KIF13B: variants seen among roughly 807,000 people sequenced by gnomAD.
KIF13B encodes the protein kinesin family member 13B.
In KIF13B, 127 loss-of-function variants were observed where a neutral mutation model predicts 222.0. The observed-to-expected ratio is 0.57, with a 90% CI of 0.50 to 0.66. The LOEUF (loss-of-function observed/expected upper bound fraction) is 0.66. KIF13B is among the 30% of genes least tolerant of loss of function. The pLI, the probability that KIF13B is intolerant of heterozygous loss-of-function variation, is 0.00. For missense variants in KIF13B, 2,173 were observed against 2,379.0 expected (o/e 0.91, Z 1.80); for synonymous variants, 976 against 919.0 (o/e 1.06, Z -1.12).
chr8:29,108,353 T>C (rs117307637), intron 34 of KIF13B, among the ~76,000 whole-genome samples, 161 bp from the exon 35 acceptor site: 2 of 152,208 alleles, frequency 1.3e-5, no homozygotes, highest in South Asian at 4.1e-4. Flanking sequence ...CTTTGGGACA[T>C]TACAAACATT....
intron 2 of KIF13B, among the ~76,000 whole-genome samples, chr8:29,223,547 C>A (rs1187073772): frequency 6.6e-6 from 1 of 152,064 alleles, no homozygotes; most frequent in Non-Finnish European, 1.5e-5. Flanking sequence ...TATGCTATTT[C>A]TTAGTAATTA....
chr8:29,170,953 G>T (rs1380632993), intron 10 of KIF13B, among the ~76,000 whole-genome samples: 6 of 148,984 alleles, frequency 4.0e-5, no homozygotes, highest in Admixed American at 4.0e-4. Context: ...TATCCTAAGG[G>T]CCTATAGACA....
At chr8:29,083,827 T>G (rs775505991) in intron 37 of KIF13B, among the ~76,000 whole-genome samples, 10 of 152,294 alleles carry the variant, frequency 6.6e-5, no homozygotes, top group Middle Eastern at 6.8e-3. Flanking sequence ...GGTATTAAAC[T>G]ACAGAGAAAA....
intron 37 of KIF13B, among the ~76,000 whole-genome samples, chr8:29,076,415 C>T (rs952599940): frequency 1.8e-4 from 28 of 152,250 alleles, no homozygotes; most frequent in Admixed American, 1.6e-3. Context: ...CCACGTCTCC[C>T]ACCTCCCTTC....
At chr8:29,138,964 G>A (rs1810686304) in intron 21 of KIF13B, among the ~76,000 whole-genome samples, 2 of 152,056 alleles carry the variant, frequency 1.3e-5, no homozygotes, top group African/African-American at 2.4e-5. Flanking sequence ...ATTGGTTTAA[G>A]GACTCATCTT....
chr8:29,073,140 C>T (rs75837871), intron 38 of KIF13B, among the ~76,000 whole-genome samples: 3,380 of 30,272 alleles, frequency 0.11, 315 homozygotes, highest in Non-Finnish European at 0.14. Flanking sequence ...AGGAGGGGGA[C>T]GAGGAGGGGG....
chr8:29,256,634 TTAAAGA>T, intron 1 of KIF13B, among the ~76,000 whole-genome samples: 1 of 152,236 alleles, frequency 6.6e-6, no homozygotes. Flanking sequence ...CAAGATCCTC[TTAAAGA>T]TAATCATGTC....
chr8:29,071,851 G>A lies in KIF13B; in HGVS notation c.4987C>T (p.Leu1663=). 3 of 1,538,418 alleles carry A rather than the reference G, an allele frequency of 2.0e-6. No individual in the cohort carries two copies. Among genetic ancestry groups the A allele is most frequent in the Non-Finnish European group, 2.6e-6 (3 of 1,145,944 alleles). Reference sequence around the variant, plus strand: ...GGGGAGCAGCCGGGGTCCCCAGCCAGCATGCGCGAGAAGGAGCGCAACTCC... The same window carrying A: ...GGGGAGCAGCCGGGGTCCCCAGCCAACATGCGCGAGAAGGAGCGCAACTCC... ...ASELRSFSRM[L]AGDPGCSPGA... Residue 1663 remains leucine, a synonymous_variant, in exon 39 of 40, where the codon CTG becomes TTG. Coordinates refer to ENST00000524189, the MANE Select transcript of KIF13B (RefSeq NM_015254.4). The surrounding 1 kb of genome is among the most constrained non-coding windows in gnomAD (Gnocchi z 4.9).
At chr8:29,156,695 T>TA (rs144883341) in intron 13 of KIF13B, among the ~76,000 whole-genome samples, 1,563 of 144,202 alleles carry the variant, frequency 0.011, 32 homozygotes, top group Admixed American at 0.057. Flanking sequence ...TTTTTTTTTT[T>TA]TTTTTTGTAG....
chr8:29,258,099 G>C (rs543720384), intron 1 of KIF13B, among the ~76,000 whole-genome samples: 37 of 152,154 alleles, frequency 2.4e-4, no homozygotes, highest in Non-Finnish European at 4.0e-4. Context: ...CTCCACATCT[G>C]TCAGTGATCT....
intron 37 of KIF13B, among the ~76,000 whole-genome samples, chr8:29,081,789 G>A (rs1382702567): frequency 6.6e-6 from 1 of 152,170 alleles, no homozygotes; most frequent in African/African-American, 2.4e-5. Context: ...TAACTCAGTC[G>A]TGTTGTTGAG....
At chr8:29,199,308 A>C (rs1365876258) in intron 2 of KIF13B, among the ~76,000 whole-genome samples, 1 of 152,102 alleles carries the variant, frequency 6.6e-6, no homozygotes, top group African/African-American at 2.4e-5. Context: ...ACATGACTCC[A>C]TTCTCATGAT....
At chr8:29,196,275 CT>C (rs920040256) in intron 2 of KIF13B, 76 bp from the exon 3 acceptor site, 11 of 1,278,004 alleles carry the variant, frequency 8.6e-6, no homozygotes, top group African/African-American at 6.1e-5. Context: ...GTTTAGAAGA[CT>C]TTTTTTGAAG....
Position 29,148,754 on chromosome 8 carries a change from T to C in KIF13B, c.1636A>G (p.Lys546Glu). 6.3e-7 allele frequency: 1 copy of C among 1,596,394 alleles called. No individual in the cohort carries two copies. The highest frequency in any genetic ancestry group is 8.5e-7 in the Non-Finnish European group (1 of 1,172,316). The change falls in exon 16 of 40, where the codon AAA (lysine) becomes GAA (glutamate). Residue 546 changes from lysine to glutamate, a missense_variant. Lys to Glu is a moderately conservative substitution (Grantham distance 56). Coordinates refer to ENST00000524189, the MANE Select transcript of KIF13B (RefSeq NM_015254.4). ...NNHFFRLNLP[K>E]KKKKAEREDE... The stretch of plus-strand genomic sequence containing the variant: ...TCTCGTTCTGCTTTCTTTTTCTTTT[T>C]AGGCAAATTGAGTCTTGGTGGGAAA...
intron 35 of KIF13B, 104 bp from the exon 36 acceptor site, chr8:29,099,345 C>G (rs1808686287): frequency 1.3e-6 from 1 of 744,694 alleles, no homozygotes; most frequent in Admixed American, 2.6e-5. Flanking sequence ...ATTACTAAAG[C>G]TCCTTTGAAT....
intron 4 of KIF13B, 42 bp from the exon 5 acceptor site, chr8:29,188,649 A>T (rs935302972): frequency 8.0e-7 from 1 of 1,251,448 alleles, no homozygotes; most frequent in Non-Finnish European, 1.2e-6. Context: ...TTAAGCCAAA[A>T]CTACATATGA....
chr8:29,240,230 G>A (rs1297604771), intron 2 of KIF13B, among the ~76,000 whole-genome samples: 1 of 150,446 alleles, frequency 6.6e-6, no homozygotes, highest in African/African-American at 2.4e-5. Flanking sequence ...CTAGAAAAAG[G>A]CATTCATGTA....
intron 9 of KIF13B, among the ~76,000 whole-genome samples, chr8:29,177,136 T>C (rs1458450504): frequency 6.6e-6 from 1 of 151,388 alleles, no homozygotes; most frequent in Non-Finnish European, 1.5e-5. Context: ...CACCTGGGGG[T>C]GGGGGAAGAG....
intron 37 of KIF13B, among the ~76,000 whole-genome samples, chr8:29,079,763 T>C (rs1287543259): frequency 2.0e-5 from 3 of 152,238 alleles, no homozygotes. Context: ...ATTTCAGAAA[T>C]TCTTAAATGT....
Sources: gnomAD v4.1 joint callset for allele counts (sites outside exome capture counted in the v4.1 genomes callset) on GRCh38, gnomAD v4.1.1 for gene constraint, Gnocchi (gnomAD v3.1) non-coding constraint, MANE v1.5 for transcripts, NCBI Gene and HGNC (gene_info 2026-07-23, HGNC 2026-07-21) for gene names.